Variants in GRM7 observed in about 807,000 individuals in gnomAD.
GRM7 encodes the protein metabotropic glutamate receptor 7.
A neutral mutation model predicts 84.5 loss-of-function variants in GRM7; 35 were observed. The observed-to-expected ratio is 0.41, with a 90% CI of 0.32 to 0.55. The LOEUF is 0.55. Among genes scored for constraint, GRM7 ranks in the 20% least tolerant of loss-of-function variants. The pLI is 0.19. For synonymous variants in GRM7, 487 were observed against 455.1 expected (o/e 1.07, Z -0.89); for missense variants, 1,003 against 1,194.6 (o/e 0.84, Z 2.36).
At chr3:7,274,556 T>A (rs1489824134) in intron 2 of GRM7, among the ~76,000 whole-genome samples, 1 of 152,186 alleles carries the variant, frequency 6.6e-6, no homozygotes, top group African/African-American at 2.4e-5. Context: ...TGATGTTTTA[T>A]TTTTGTTTTT....
chr3:7,164,586 A>G (rs1489850562), intron 2 of GRM7, among the ~76,000 whole-genome samples: 1 of 152,226 alleles, frequency 6.6e-6, no homozygotes, highest in African/African-American at 2.4e-5. Flanking sequence ...TTTCAAGTCC[A>G]GTGAGTTGCT....
chr3:7,722,680 T>A (rs1701992468), intron 9 of GRM7, among the ~76,000 whole-genome samples: 1 of 152,092 alleles, frequency 6.6e-6, no homozygotes, highest in South Asian at 2.1e-4. Flanking sequence ...TGAGCTCAAG[T>A]GATCCACCAC....
chr3:7,276,685 T>G (rs1455018974), intron 2 of GRM7, among the ~76,000 whole-genome samples: 5 of 151,896 alleles, frequency 3.3e-5, no homozygotes, highest in Admixed American at 3.3e-4. Context: ...TACTAACTCA[T>G]GTTTTCACCT....
In GRM7 at chr3:7,230,467, C is replaced by T. The variant is rs7622214; in HGVS notation, c.737-68217C>T. On this transcript the variant is annotated intron_variant, in intron 2 of 9. Coordinates refer to ENST00000357716, the MANE Select transcript of GRM7 (RefSeq NM_000844.4). ...AATTCTCATCATCTGATTAGGAATA[C>T]GCCCATAACTGTTTCTTAGTGTTCA... 3.3e-3 allele frequency among the ~76,000 whole-genome samples: 502 copies of T among 152,236 alleles called. 1 individual carries two copies. The highest frequency in any genetic ancestry group is 0.01 in the African/African-American group (422 of 41,538).
chr3:7,406,273 G>A (rs1695672460), intron 4 of GRM7, among the ~76,000 whole-genome samples: 1 of 152,030 alleles, frequency 6.6e-6, no homozygotes, highest in African/African-American at 2.4e-5. Context: ...GGCTGAGGTG[G>A]GTGGATCACG....
At chr3:7,649,580 T>C (rs1698832091) in intron 8 of GRM7, among the ~76,000 whole-genome samples, 2 of 152,200 alleles carry the variant, frequency 1.3e-5, no homozygotes, top group South Asian at 4.1e-4. Context: ...ATAACACTGG[T>C]ATATATGACA....
chr3:7,674,403 G>A (rs1220651178), intron 8 of GRM7, among the ~76,000 whole-genome samples: 1 of 152,102 alleles, frequency 6.6e-6, no homozygotes, highest in African/African-American at 2.4e-5. Flanking sequence ...CATTGGCCAG[G>A]CTGGTCTTGA....
chr3:7,651,883 C>G (rs1698957800), intron 8 of GRM7, among the ~76,000 whole-genome samples: 1 of 152,166 alleles, frequency 6.6e-6, no homozygotes, highest in Non-Finnish European at 1.5e-5. Flanking sequence ...CTTCCCCCAG[C>G]CAAGCCTAGC....
chr3:7,603,388 T>C (rs1696412619), intron 8 of GRM7, among the ~76,000 whole-genome samples: 1 of 152,106 alleles, frequency 6.6e-6, no homozygotes, highest in Non-Finnish European at 1.5e-5. Context: ...GCTGTTGTCT[T>C]AGTACCCCCA....
At chr3:6,940,525 T>C (rs1697854338) in intron 1 of GRM7, among the ~76,000 whole-genome samples, 1 of 152,238 alleles carries the variant, frequency 6.6e-6, no homozygotes, top group Non-Finnish European at 1.5e-5. Context: ...TTGATAGTCA[T>C]ATTCAATAAG....
chr3:7,498,544 TC>T (rs776007317), intron 7 of GRM7, among the ~76,000 whole-genome samples: 45 of 152,160 alleles, frequency 3.0e-4, no homozygotes, highest in Non-Finnish European at 6.0e-4. Flanking sequence ...TAGGGTTGAA[TC>T]CGGATTCTGG....
At chr3:7,281,840 G>A (rs543874116) in intron 2 of GRM7, among the ~76,000 whole-genome samples, 1 of 152,152 alleles carries the variant, frequency 6.6e-6, no homozygotes, top group African/African-American at 2.4e-5. Context: ...TAGTACTTTG[G>A]GAGGCCAAGG....
chr3:7,325,385 G>C (rs779633667), intron 4 of GRM7, among the ~76,000 whole-genome samples: 2 of 152,166 alleles, frequency 1.3e-5, no homozygotes, highest in Non-Finnish European at 2.9e-5. Flanking sequence ...TCACTTGCTG[G>C]GTGAACTTAC....
At chr3:7,314,978 T>G (rs113467578) in intron 4 of GRM7, among the ~76,000 whole-genome samples, 68 of 152,300 alleles carry the variant, frequency 4.5e-4, no homozygotes, top group African/African-American at 1.5e-3. Flanking sequence ...TCCATACTAT[T>G]TCTGCAAAGA....
chr3:7,240,920 C>T (rs1365693862), intron 2 of GRM7, among the ~76,000 whole-genome samples: 4 of 152,090 alleles, frequency 2.6e-5, no homozygotes, highest in African/African-American at 7.2e-5. Flanking sequence ...CTACAGTATT[C>T]GGGACAGTAA....
At chr3:6,885,585 C>T (rs1209109308) in intron 1 of GRM7, among the ~76,000 whole-genome samples, 4 of 152,184 alleles carry the variant, frequency 2.6e-5, no homozygotes, top group Non-Finnish European at 5.9e-5. Context: ...GTCCTGCCTC[C>T]TACCACACAC....
intron 4 of GRM7, among the ~76,000 whole-genome samples, chr3:7,405,565 G>A (rs1695638956): frequency 2.0e-5 from 3 of 152,098 alleles, no homozygotes; most frequent in African/African-American, 7.2e-5. Flanking sequence ...ACTTCGGATA[G>A]TTATAAATAA....
At chr3:7,383,665 A>T (rs1461690845) in intron 4 of GRM7, among the ~76,000 whole-genome samples, 1 of 152,176 alleles carries the variant, frequency 6.6e-6, no homozygotes, top group Non-Finnish European at 1.5e-5. Flanking sequence ...CCCCCGCAAC[A>T]GTCCACTTAA....
At chr3:6,881,393 T>C (rs1212244908) in intron 1 of GRM7, among the ~76,000 whole-genome samples, 1 of 152,174 alleles carries the variant, frequency 6.6e-6, no homozygotes, top group Non-Finnish European at 1.5e-5. Context: ...CATGCGGTGT[T>C]TGGTTTTCTG....
Sources: gnomAD v4.1 joint callset for allele counts (sites outside exome capture counted in the v4.1 genomes callset) on GRCh38, gnomAD v4.1.1 for gene constraint, MANE v1.5 for transcripts, NCBI Gene and HGNC (gene_info 2026-07-23, HGNC 2026-07-21) for gene names.